The following OXT variants were observed in gnomAD, a reference collection of about 807,000 sequenced individuals.
The protein encoded by OXT is oxytocin-neurophysin 1 proprotein.
A neutral mutation model predicts 11.2 loss-of-function variants in OXT; 9 were observed. The ratio of observed to expected loss-of-function variants is 0.80; its 90% CI spans 0.49 to 1.40. The LOEUF (loss-of-function observed/expected upper bound fraction) is 1.40, where lower values mean the gene tolerates loss of function less well. OXT is among the 40% of genes most tolerant of loss of function. The probability of loss-of-function intolerance (pLI) is 0.00; values close to 1 mark genes in which losing one functional copy is unlikely to be tolerated. For missense variants in OXT, 175 were observed against 178.7 expected (o/e 0.98, Z 0.12); for synonymous variants, 76 against 80.9 (o/e 0.94, Z 0.33).
In OXT at chr20:3,071,628, C is replaced by G; in HGVS notation, c.-28C>G. ...AGGCCGGAGAGACCGCCACCAGTCA[C>G]GGACCCTGGACCCAGCGCACCCGCA... On this transcript the variant is annotated 5_prime_UTR_variant, in exon 1 of 3. Transcript: ENST00000217386. This position sits in a 1 kb window ranked among gnomAD's most constrained non-coding sequence, Gnocchi z 4.8. The G allele has an allele frequency of 6.2e-7, 1 of 1,600,274 alleles. No homozygotes were observed. The highest frequency in any genetic ancestry group is 8.5e-7 in the Non-Finnish European group (1 of 1,178,072).
In OXT at chr20:3,072,176, C is replaced by G; in HGVS notation, c.220C>G (p.Arg74Gly). Residue 74 changes from arginine (R) to glycine (G), a missense_variant, in exon 2 of 3, where the codon CGC (arginine) becomes GGC (glycine). Transcript: ENST00000217386. ...GCFVGTAEAL[R>G]CQEENYLPSP... ...CTTCGTGGGCACCGCCGAAGCGCTG[C>G]GCTGCCAGGAGGAGAACTACCTGCC... The G allele has an allele frequency of 6.3e-7, 1 of 1,595,602 alleles. No homozygotes were observed. Among genetic ancestry groups the G allele is most frequent in the Non-Finnish European group, 8.5e-7 (1 of 1,177,328 alleles).
chr20:3,072,027 C>T (rs1314175112), intron 1 of OXT, 50 bp from the exon 2 acceptor site: 8 of 1,454,516 alleles, frequency 5.5e-6, no homozygotes, highest in Non-Finnish European at 7.2e-6. Context: ...GTCCTCCGAG[C>T]GAGTCCCCAG....
In OXT at chr20:3,071,830, A is replaced by G; in HGVS notation, c.120+55A>G. On this transcript the variant is annotated intron_variant, in intron 1 of 2. Coordinates refer to ENST00000217386, the MANE Select transcript of OXT (RefSeq NM_000915.4). The surrounding 1 kb of genome is among the most constrained non-coding windows in gnomAD (Gnocchi z 4.8). ...TCCGGGGAGGGAGGGACCCGCAGCC[A>G]CAGGGGCGCGCCCCGCTCCGGCCTC... 1 of 1,519,060 alleles carries G rather than the reference A, an allele frequency of 6.6e-7. No individual in the cohort carries two copies. The highest frequency in any genetic ancestry group is 8.8e-7 in the Non-Finnish European group (1 of 1,139,304). The allele number at this position is 1,519,060 out of a possible 1,614,324, so 94.1% of individuals were successfully genotyped here.
At position 3,072,449 on chromosome 20, in the gene OXT, C is replaced by T; in HGVS notation, c.*31C>T. ...GATGGCTCCGAACACCCTCGAAGCGCGCCACTCGCTTCCCCCATAGCCACC... is the reference window on the plus strand; with the variant it reads ...GATGGCTCCGAACACCCTCGAAGCGTGCCACTCGCTTCCCCCATAGCCACC... On this transcript the variant is annotated 3_prime_UTR_variant, in exon 3 of 3. Coordinates refer to ENST00000217386, the MANE Select transcript of OXT (RefSeq NM_000915.4). 6.2e-7 allele frequency: 1 copy of T among 1,605,950 alleles called. No homozygotes were observed. Among genetic ancestry groups the T allele is most frequent in the Non-Finnish European group, 8.5e-7 (1 of 1,174,006 alleles).
At position 3,072,072 on chromosome 20, in the gene OXT, C is replaced by T. The variant is rs1322072704; in HGVS notation, c.121-5C>T. 10 of 1,520,614 alleles carry T rather than the reference C, an allele frequency of 6.6e-6. No homozygotes were observed. The highest frequency in any genetic ancestry group is 2.0e-4 in the Middle Eastern group (1 of 4,982). 94.2% of individuals were successfully genotyped at this position (1,520,614 alleles called of 1,614,324 possible). A position where few individuals can be genotyped will look rare whatever the true frequency, so the allele number is the denominator to read the frequency against. On this transcript the variant is annotated splice_region_variant and splice_polypyrimidine_tract_variant and intron_variant, in intron 1 of 2. Coordinates refer to ENST00000217386, the MANE Select transcript of OXT (RefSeq NM_000915.4). ...GGCTCCCGCTCACCCCGCCCGTCCCCGCAGTGCCTCCCCTGCGGCCCCGGG... is the reference window on the plus strand; with the variant it reads ...GGCTCCCGCTCACCCCGCCCGTCCCTGCAGTGCCTCCCCTGCGGCCCCGGG...
chr20:3,071,941 G>A lies in OXT; in HGVS notation c.121-136G>A. On this transcript the variant is annotated intron_variant, in intron 1 of 2. Coordinates refer to ENST00000217386, the MANE Select transcript of OXT (RefSeq NM_000915.4). This position sits in a 1 kb window ranked among gnomAD's most constrained non-coding sequence, Gnocchi z 4.8. ...CCCCACGGCGCCCCAGCGCGTCTCA[G>A]CCCCGCTGTCCCGCCCGAACTCCGA... 1.5e-6 allele frequency: 2 copies of A among 1,355,456 alleles called. No homozygotes were observed. The highest frequency in any genetic ancestry group is 1.9e-6 in the Non-Finnish European group (2 of 1,041,016). The allele number at this position is 1,355,456 out of a possible 1,614,324, so 84.0% of individuals were successfully genotyped here. A position where few individuals can be genotyped will look rare whatever the true frequency, so the allele number is the denominator to read the frequency against.
chr20:3,071,714 G>C lies in OXT; in HGVS notation c.59G>C (p.Cys20Ser), dbSNP rs764370773. ...LLGLLALTSA[C>S]YIQNCPLGGK... is the part of the protein sequence containing the mutation. ...GGCCTCCTGGCGCTGACCTCCGCCT[G>C]CTACATCCAGAACTGCCCCCTGGGA... The change falls in exon 1 of 3, where the codon TGC becomes TCC. Residue 20 changes from cysteine (C) to serine (S), a missense_variant. Cys to Ser is a moderately radical substitution (Grantham distance 112). Coordinates refer to ENST00000217386, the MANE Select transcript of OXT (RefSeq NM_000915.4). The surrounding 1 kb of genome is among the most constrained non-coding windows in gnomAD (Gnocchi z 4.8). 29 of 1,590,418 alleles carry C rather than the reference G, an allele frequency of 1.8e-5. No homozygotes were observed. The highest frequency in any genetic ancestry group is 2.2e-5 in the Non-Finnish European group (26 of 1,172,610).
In OXT at chr20:3,071,953, C is replaced by T. The variant is rs2066077368; in HGVS notation, c.121-124C>T. 1 of 1,351,220 alleles carries T rather than the reference C, an allele frequency of 7.4e-7. No homozygotes were observed. Among genetic ancestry groups the T allele is most frequent in the East Asian group, 2.9e-5 (1 of 35,026 alleles). 83.7% of individuals were successfully genotyped at this position (1,351,220 alleles called of 1,614,324 possible). ...CCAGCGCGTCTCAGCCCCGCTGTCC[C>T]GCCCGAACTCCGAACCCCGGACCCC... On this transcript the variant is annotated intron_variant, in intron 1 of 2. Transcript: ENST00000217386. The surrounding 1 kb of genome is among the most constrained non-coding windows in gnomAD (Gnocchi z 4.8).
chr20:3,071,628 C>A lies in OXT; in HGVS notation c.-28C>A. Reference sequence around the variant, plus strand: ...AGGCCGGAGAGACCGCCACCAGTCACGGACCCTGGACCCAGCGCACCCGCA... The same window carrying A: ...AGGCCGGAGAGACCGCCACCAGTCAAGGACCCTGGACCCAGCGCACCCGCA... On this transcript the variant is annotated 5_prime_UTR_variant, in exon 1 of 3. Transcript: ENST00000217386. This position sits in a 1 kb window ranked among gnomAD's most constrained non-coding sequence, Gnocchi z 4.8. 1 of 1,600,274 alleles carries A rather than the reference C, an allele frequency of 6.2e-7. No homozygotes were observed.
In OXT at chr20:3,072,154, C is replaced by G; in HGVS notation, c.198C>G (p.Phe66Leu). The G allele has an allele frequency of 6.3e-7, 1 of 1,592,280 alleles. No individual in the cohort carries two copies. Among genetic ancestry groups the G allele is most frequent in the South Asian group, 1.1e-5 (1 of 89,530 alleles). Reference sequence around the variant, plus strand: ...GCTGCGCGGAAGAGCTGGGCTGCTTCGTGGGCACCGCCGAAGCGCTGCGCT... The same window carrying G: ...GCTGCGCGGAAGAGCTGGGCTGCTTGGTGGGCACCGCCGAAGCGCTGCGCT... ...NICCAEELGC[F>L]VGTAEALRCQ... Residue 66 changes from phenylalanine to leucine, a missense_variant, in exon 2 of 3, where the codon TTC becomes TTG. Coordinates refer to ENST00000217386, the MANE Select transcript of OXT (RefSeq NM_000915.4).
rs1448205999 is a variant in OXT at position 3,072,428 on chromosome 20, G to C, written c.*10G>C. 6.2e-7 allele frequency: 1 copy of C among 1,612,606 alleles called. No individual in the cohort carries two copies. Among genetic ancestry groups the C allele is most frequent in the Non-Finnish European group, 8.5e-7 (1 of 1,179,856 alleles). ...CTTCTCCCAGCGCTGAAACTTGATG[G>C]CTCCGAACACCCTCGAAGCGCGCCA... On this transcript the variant is annotated 3_prime_UTR_variant, in exon 3 of 3. Transcript: ENST00000217386.
rs1327842333 is a variant in OXT at position 3,071,792 on chromosome 20, G to A, written c.120+17G>A. 1 of 1,553,542 alleles carries A rather than the reference G, an allele frequency of 6.4e-7. No homozygotes were observed. Among genetic ancestry groups the A allele is most frequent in the Non-Finnish European group, 8.7e-7 (1 of 1,155,760 alleles). ...GTGCGCAAGGTGAGTCCCCAGCCCT[G>A]GTCCCGCGGCGCTCCGGGGAGGGAG... On this transcript the variant is annotated intron_variant, in intron 1 of 2. Coordinates refer to ENST00000217386, the MANE Select transcript of OXT (RefSeq NM_000915.4). This position sits in a 1 kb window ranked among gnomAD's most constrained non-coding sequence, Gnocchi z 4.8.
At position 3,072,373 on chromosome 20, in the gene OXT, C is replaced by T. The variant is rs781332744; in HGVS notation, c.333C>T (p.His111=). 1.2e-6 allele frequency: 2 copies of T among 1,611,150 alleles called. No homozygotes were observed. The highest frequency in any genetic ancestry group is 8.5e-7 in the Non-Finnish European group (1 of 1,179,986). ...CACCTCTTCCTCCAGACGGCTGCCA[C>T]GCCGACCCTGCCTGCGACGCGGAAG... is the stretch of plus-strand genomic sequence containing the variant. ...LGLCCSPDGC[H]ADPACDAEAT... The change falls in exon 3 of 3, where the codon CAC becomes CAT. Residue 111 remains histidine, a synonymous_variant. Transcript: ENST00000217386.
Position 3,072,279 on chromosome 20 carries a change from G to C in OXT, c.322+1G>C. On this transcript the variant is annotated splice_donor_variant, in intron 2 of 2. Coordinates refer to ENST00000217386, the MANE Select transcript of OXT (RefSeq NM_000915.4). LOFTEE classifies it high-confidence loss of function. ...GTCTTGGGCCTCTGCTGCAGCCCGG[G>C]TGAGCGGGGCAAGGCGCTCCGGGGC... 6.3e-7 allele frequency: 1 copy of C among 1,596,216 alleles called. No individual in the cohort carries two copies. The highest frequency in any genetic ancestry group is 8.5e-7 in the Non-Finnish European group (1 of 1,177,270).
Position 3,072,276 on chromosome 20 carries a change from C to G in OXT, c.320C>G (p.Pro107Arg), listed in dbSNP as rs532531181. 19 of 1,594,616 alleles carry G rather than the reference C, an allele frequency of 1.2e-5. No individual in the cohort carries two copies. Among genetic ancestry groups the G allele is most frequent in the African/African-American group, 2.7e-5 (2 of 74,758 alleles). The change falls in exon 2 of 3, where the codon CCG becomes CGG. Residue 107 changes from proline (P) to arginine (R), a missense_variant and splice_region_variant. By Grantham distance (103) the Pro-to-Arg change is moderately radical (BLOSUM62 -2). Transcript: ENST00000217386. ...RCAVLGLCCS[P>R]DGCHADPACD... ...GCGGTCTTGGGCCTCTGCTGCAGCCCGGGTGAGCGGGGCAAGGCGCTCCGG... is the reference window on the plus strand; with the variant it reads ...GCGGTCTTGGGCCTCTGCTGCAGCCGGGGTGAGCGGGGCAAGGCGCTCCGG...
rs2066075947 is a variant in OXT, at chr20:3,071,740, G to A, written c.85G>A (p.Gly29Ser). 3 of 1,585,864 alleles carry A rather than the reference G, an allele frequency of 1.9e-6. No homozygotes were observed. The highest frequency in any genetic ancestry group is 2.6e-6 in the Non-Finnish European group (3 of 1,170,598). ...CTACATCCAGAACTGCCCCCTGGGA[G>A]GCAAGAGGGCCGCGCCGGACCTCGA... ...ACYIQNCPLG[G>S]KRAAPDLDVR... Residue 29 changes from glycine (G) to serine (S), a missense_variant, in exon 1 of 3, where the codon GGC becomes AGC. Physicochemically the swap from Gly to Ser is moderately conservative, Grantham distance 56. Coordinates refer to ENST00000217386, the MANE Select transcript of OXT (RefSeq NM_000915.4). The surrounding 1 kb of genome is among the most constrained non-coding windows in gnomAD (Gnocchi z 4.8).
rs1307782578 is a variant in OXT at position 3,071,809 on chromosome 20, G to C, written c.120+34G>C. On this transcript the variant is annotated intron_variant, in intron 1 of 2. Transcript: ENST00000217386. The surrounding 1 kb of genome is among the most constrained non-coding windows in gnomAD (Gnocchi z 4.8). ...CCAGCCCTGGTCCCGCGGCGCTCCG[G>C]GGAGGGAGGGACCCGCAGCCACAGG... 2.6e-6 allele frequency: 4 copies of C among 1,539,466 alleles called. No homozygotes were observed. The highest frequency in any genetic ancestry group is 3.5e-6 in the Non-Finnish European group (4 of 1,148,934).
In OXT at chr20:3,071,840, G is replaced by A; in HGVS notation, c.120+65G>A. Reference sequence around the variant, plus strand: ...GAGGGACCCGCAGCCACAGGGGCGCGCCCCGCTCCGGCCTCGCCTGAGAAC... The same window carrying A: ...GAGGGACCCGCAGCCACAGGGGCGCACCCCGCTCCGGCCTCGCCTGAGAAC... On this transcript the variant is annotated intron_variant, in intron 1 of 2. Coordinates refer to ENST00000217386, the MANE Select transcript of OXT (RefSeq NM_000915.4). This position sits in a 1 kb window ranked among gnomAD's most constrained non-coding sequence, Gnocchi z 4.8. The A allele has an allele frequency of 2.0e-6, 3 of 1,506,660 alleles. No individual in the cohort carries two copies. The highest frequency in any genetic ancestry group is 5.0e-5 in the East Asian group (2 of 40,152). The allele number at this position is 1,506,660 out of a possible 1,614,324, so 93.3% of individuals were successfully genotyped here.
chr20:3,072,091 C>T lies in OXT; in HGVS notation c.135C>T (p.Gly45=). The change falls in exon 2 of 3, where the codon GGC becomes GGT. Residue 45 remains glycine (G), a synonymous_variant. Transcript: ENST00000217386. ...CGTCCCCGCAGTGCCTCCCCTGCGG[C>T]CCCGGGGGCAAAGGCCGCTGCTTCG... ...DLDVRKCLPC[G]PGGKGRCFGP... is the part of the protein sequence containing the mutation. The T allele has an allele frequency of 1.3e-6, 2 of 1,538,710 alleles. No homozygotes were observed. Among genetic ancestry groups the T allele is most frequent in the Middle Eastern group, 3.7e-4 (2 of 5,374 alleles).
Sources: gnomAD v4.1 joint callset for allele counts on GRCh38, gnomAD v4.1.1 for gene constraint, Gnocchi (gnomAD v3.1) non-coding constraint, MANE v1.5 for transcripts, NCBI Gene and HGNC (gene_info 2026-07-23, HGNC 2026-07-21) for gene names.